The following AK8 variants were observed in gnomAD, a reference collection of about 807,000 sequenced individuals.
AK8 encodes adenylate kinase 8, also known as ATP-AMP transphosphorylase 8.
In AK8, 44 loss-of-function variants were observed where a neutral mutation model predicts 54.6. That is an observed-to-expected ratio of 0.81 (90% CI 0.63 to 1.04). AK8 has a LOEUF of 1.04. Among genes scored for constraint, AK8 ranks in the 50% least tolerant of loss-of-function variants. The pLI is 0.00. For missense variants in AK8, 555 were observed against 613.6 expected (o/e 0.90, Z 1.01); for synonymous variants, 239 against 245.6 (o/e 0.97, Z 0.25).
intron 9 of AK8, among the ~76,000 whole-genome samples, chr9:132,820,019 G>A (rs541681176): frequency 6.6e-6 from 1 of 151,798 alleles, no homozygotes; most frequent in East Asian, 1.9e-4. Context: ...GCTGAGCATG[G>A]TGGCATACAC....
intron 11 of AK8, among the ~76,000 whole-genome samples, chr9:132,782,298 C>T (rs535488321): frequency 3.3e-5 from 5 of 152,152 alleles, no homozygotes; most frequent in African/African-American, 1.2e-4. Context: ...ATTCTCTCCC[C>T]TGACCTGTTA....
chr9:132,744,400 G>A (rs1237932433), intron 11 of AK8, among the ~76,000 whole-genome samples: 1 of 146,508 alleles, frequency 6.8e-6, no homozygotes, highest in African/African-American at 2.5e-5. Context: ...AAAAGTAACA[G>A]GAGAATAGAC....
chr9:132,760,427 A>G (rs565119780), intron 11 of AK8, among the ~76,000 whole-genome samples: 2 of 152,188 alleles, frequency 1.3e-5, no homozygotes, highest in Non-Finnish European at 2.9e-5. Flanking sequence ...TTGGATCTTT[A>G]ATTATTGATC....
chr9:132,754,821 C>T (rs1489502889), intron 11 of AK8, among the ~76,000 whole-genome samples: 1 of 142,260 alleles, frequency 7.0e-6, no homozygotes, highest in African/African-American at 2.6e-5. Flanking sequence ...TTTTTTGAGA[C>T]AGAGTTTTGC....
intron 11 of AK8, among the ~76,000 whole-genome samples, chr9:132,751,556 A>G (rs1442999886): frequency 2.0e-5 from 3 of 150,808 alleles, no homozygotes; most frequent in Non-Finnish European, 3.0e-5. Context: ...AAAAAAAACA[A>G]CTTCTGGGTT....
In AK8 at chr9:132,863,702, G is replaced by C; in HGVS notation, c.296C>G (p.Thr99Arg). The change falls in exon 4 of 13, where the codon ACG (threonine) becomes AGG (arginine). Residue 99 changes from threonine to arginine, a missense_variant. Transcript: ENST00000298545. ...ENLILNEFSY[T>R]ATEARRLYLQ... ...ATAAAGCCTTCTGGCTTCGGTGGCC[G>C]TATAGGAAAACTCATTTAAGATCAG... The C allele has an allele frequency of 1.2e-6, 2 of 1,614,026 alleles. No homozygotes were observed. Among genetic ancestry groups the C allele is most frequent in the Non-Finnish European group, 1.7e-6 (2 of 1,179,970 alleles).
At chr9:132,780,984 G>A (rs1839441025) in intron 11 of AK8, among the ~76,000 whole-genome samples, 1 of 152,084 alleles carries the variant, frequency 6.6e-6, no homozygotes, top group Admixed American at 6.5e-5. Context: ...AAAACAGTGG[G>A]TCTCATACAC....
intron 11 of AK8, among the ~76,000 whole-genome samples, chr9:132,744,588 T>C (rs1837550740): frequency 6.6e-6 from 1 of 152,152 alleles, no homozygotes. Flanking sequence ...TCTAATAGGA[T>C]TCACTTCTGG....
chr9:132,833,784 G>A (rs957171607), intron 5 of AK8, among the ~76,000 whole-genome samples: 1 of 152,386 alleles, frequency 6.6e-6, no homozygotes, highest in South Asian at 2.1e-4. Flanking sequence ...AGCAGAGCAC[G>A]GCCTGATGCG....
At chr9:132,789,092 G>T (rs560499195) in intron 11 of AK8, among the ~76,000 whole-genome samples, 1 of 151,772 alleles carries the variant, frequency 6.6e-6, no homozygotes, top group Admixed American at 6.6e-5. Context: ...TCAGGAGATC[G>T]AGACCATCCT....
chr9:132,765,185 C>T (rs956545170), intron 11 of AK8, among the ~76,000 whole-genome samples: 18 of 144,956 alleles, frequency 1.2e-4, no homozygotes, highest in East Asian at 1.1e-3. Flanking sequence ...CCCAGCTACT[C>T]GGGAGGCTGA....
chr9:132,869,952 T>G (rs1338799666), intron 2 of AK8, among the ~76,000 whole-genome samples: 1 of 152,192 alleles, frequency 6.6e-6, no homozygotes, highest in East Asian at 1.9e-4. Flanking sequence ...CACCATCGCC[T>G]GCTGCCTCTC....
intron 9 of AK8, among the ~76,000 whole-genome samples, chr9:132,819,346 G>A (rs570378493): frequency 2.6e-5 from 4 of 152,228 alleles, no homozygotes; most frequent in South Asian, 2.1e-4. Context: ...CAAATACTAC[G>A]CCATTTTGTA....
upstream of AK8, chr9:132,878,901 G>A (rs1335595668): frequency 4.2e-6 from 2 of 473,994 alleles, no homozygotes; most frequent in Non-Finnish European, 5.4e-6. The surrounding 1 kb of genome is among the most constrained non-coding windows in gnomAD (Gnocchi z 4.7). Flanking sequence ...ACCCACCCTC[G>A]CCTCCCAAGT....
At chr9:132,768,290 G>A (rs894696323) in intron 11 of AK8, among the ~76,000 whole-genome samples, 6 of 149,464 alleles carry the variant, frequency 4.0e-5, no homozygotes, top group African/African-American at 7.4e-5. Flanking sequence ...TTTTTGAGAC[G>A]GAGTTTCGCT....
intron 12 of AK8, 80 bp downstream of exon 12, chr9:132,727,374 C>T (rs955195115): frequency 8.3e-6 from 11 of 1,328,352 alleles, no homozygotes; most frequent in African/African-American, 1.5e-5. Flanking sequence ...TGCAGTGTTT[C>T]CACCATGGCA....
chr9:132,725,933 G>A lies in AK8; in HGVS notation c.1203-8C>T, dbSNP rs760071529. ...TTGTACATGAGGTGGTACCTGCAAG[G>A]GAGGAAGGAAAGCAGGTGACCCATG... On this transcript the variant is annotated splice_region_variant and splice_polypyrimidine_tract_variant and intron_variant, in intron 12 of 12. Transcript: ENST00000298545. 1.2e-6 allele frequency: 2 copies of A among 1,607,692 alleles called. No homozygotes were observed. The highest frequency in any genetic ancestry group is 1.7e-6 in the Non-Finnish European group (2 of 1,176,784).
chr9:132,780,402 C>T (rs1296042144), intron 11 of AK8, among the ~76,000 whole-genome samples: 1 of 152,162 alleles, frequency 6.6e-6, no homozygotes, highest in Non-Finnish European at 1.5e-5. Context: ...CCCTCGGCAG[C>T]TCTGTTCTCT....
chr9:132,853,423 TAGTC>T (rs1843049407), intron 5 of AK8, among the ~76,000 whole-genome samples: 1 of 144,570 alleles, frequency 6.9e-6, no homozygotes, highest in Non-Finnish European at 1.5e-5. Context: ...ATCTTGAAAG[TAGTC>T]AGAGAAAAAA....
Sources: allele counts gnomAD v4.1 joint callset (sites outside exome capture counted in the v4.1 genomes callset), GRCh38; gene constraint gnomAD v4.1.1; non-coding constraint Gnocchi (gnomAD v3.1); transcripts MANE v1.5; gene names NCBI Gene and HGNC (gene_info 2026-07-23, HGNC 2026-07-21).